Variants in SLC25A26 observed in about 807,000 individuals in gnomAD.
SLC25A26 encodes the protein mitochondrial S-adenosylmethionine carrier protein.
A neutral mutation model predicts 37.8 loss-of-function variants in SLC25A26; 36 were observed. The ratio of observed to expected loss-of-function variants is 0.95; its 90% CI spans 0.73 to 1.26. SLC25A26 has a LOEUF of 1.26. Ranked by LOEUF, SLC25A26 falls within the 50% of genes most tolerant of loss-of-function variation. SLC25A26 has a pLI of 0.00. For synonymous variants in SLC25A26, 129 were observed against 122.5 expected, an observed-to-expected ratio of 1.05 and a Z score of -0.35; for missense variants, 390 against 331.1, an observed-to-expected ratio of 1.18 and a Z score of -1.38.
intron 1 of SLC25A26, among the ~76,000 whole-genome samples, chr3:66,134,781 C>T (rs930956479): frequency 6.6e-6 from 1 of 151,988 alleles, no homozygotes; most frequent in South Asian, 2.1e-4. Flanking sequence ...TGTCACTTTT[C>T]TTCTTTGACA....
intron 1 of SLC25A26, among the ~76,000 whole-genome samples, chr3:66,145,434 G>A (rs1004701588): frequency 1.3e-5 from 2 of 152,212 alleles, no homozygotes; most frequent in African/African-American, 2.4e-5. Flanking sequence ...GTACCAACTG[G>A]TGAGAATAGC....
intron 6 of SLC25A26, among the ~76,000 whole-genome samples, chr3:66,351,561 T>G (rs149155910): frequency 1.1e-4 from 17 of 152,276 alleles, no homozygotes; most frequent in Non-Finnish European, 1.9e-4. Flanking sequence ...TGCATGTTTA[T>G]AGCTCCATGG....
chr3:66,240,442 C>A (rs2072519719), intron 2 of SLC25A26, among the ~76,000 whole-genome samples: 1 of 152,010 alleles, frequency 6.6e-6, no homozygotes, highest in Non-Finnish European at 1.5e-5. Flanking sequence ...TGTGGGCAAC[C>A]ACACCTGGCT....
At chr3:66,276,714 A>C (rs2074161340) in intron 5 of SLC25A26, among the ~76,000 whole-genome samples, 1 of 152,086 alleles carries the variant, frequency 6.6e-6, no homozygotes, top group South Asian at 2.1e-4. Flanking sequence ...TTGGCCTTGA[A>C]GTGGTTTTGG....
At chr3:66,220,959 G>A, upstream of SLC25A26, 1 of 930,500 alleles carries the variant, frequency 1.1e-6, no homozygotes. Flanking sequence ...TGCACGTGCA[G>A]TTGTTGTGGT....
rs111679305 is a variant in SLC25A26 at position 66,134,829 on chromosome 3, A to ATT, written c.-354+855_-354+856dup. On this transcript the variant is annotated intron_variant, in intron 1 of 10. Coordinates refer to the SLC25A26 transcript ENST00000676754. ...TGTCAATATTTCTTTTCTTTCCTTT[A>ATT]TTTTTTTTTTTATTTTTTGAGACGG... 3.7e-3 allele frequency among the ~76,000 whole-genome samples: 552 copies of ATT among 147,670 alleles called. 26 individuals carry two copies. The East Asian group carries it at 0.07, about 19-fold the overall frequency.
At chr3:66,238,150 T>C (rs1002142468) in intron 2 of SLC25A26, among the ~76,000 whole-genome samples, 2 of 152,188 alleles carry the variant, frequency 1.3e-5, no homozygotes, top group African/African-American at 4.8e-5. Flanking sequence ...TTGTCCACTT[T>C]GGAATCACCT....
chr3:66,141,819 G>A (rs2070040249), intron 1 of SLC25A26, among the ~76,000 whole-genome samples: 1 of 152,172 alleles, frequency 6.6e-6, no homozygotes, highest in African/African-American at 2.4e-5. Context: ...GGTCTTGAAT[G>A]TATTCTTTTC....
intron 1 of SLC25A26, among the ~76,000 whole-genome samples, chr3:66,180,413 G>A (rs2070680072): frequency 6.6e-6 from 1 of 152,210 alleles, no homozygotes; most frequent in South Asian, 2.1e-4. Context: ...AGCAACGGAA[G>A]TGATTTCAAA....
chr3:66,209,778 G>T (rs2071250938), intron 1 of SLC25A26, among the ~76,000 whole-genome samples: 1 of 124,234 alleles, frequency 8.0e-6, no homozygotes, highest in Non-Finnish European at 1.7e-5. Flanking sequence ...TATCTATAAA[G>T]GTATATATAT....
chr3:66,369,599 A>C (rs532228857), intron 8 of SLC25A26, 57 bp downstream of exon 8: 1 of 1,388,740 alleles, frequency 7.2e-7, no homozygotes, highest in African/African-American at 1.4e-5. Context: ...TGTTAGCACT[A>C]GGACTACAGG....
chr3:66,368,577 C>A (rs998994541), intron 7 of SLC25A26, among the ~76,000 whole-genome samples: 24 of 152,122 alleles, frequency 1.6e-4, no homozygotes, highest in African/African-American at 5.3e-4. Flanking sequence ...GTCAGGAGCC[C>A]GTGAAACACA....
intron 5 of SLC25A26, among the ~76,000 whole-genome samples, chr3:66,316,764 A>G (rs1248973256): frequency 1.3e-5 from 2 of 151,922 alleles, no homozygotes; most frequent in African/African-American, 4.8e-5. Flanking sequence ...CATCAGCTGT[A>G]GGTTTGGTTT....
At chr3:66,209,074 AC>A (rs2071231668) in intron 1 of SLC25A26, among the ~76,000 whole-genome samples, 1 of 24,316 alleles carries the variant, frequency 4.1e-5, no homozygotes, top group Non-Finnish European at 1.0e-4. Flanking sequence ...ATACACACAC[AC>A]ACCCATATAA....
chr3:66,283,563 C>T lies in SLC25A26; in HGVS notation c.453+20184C>T, dbSNP rs991743734. ...TCCCAAAGTGCTGGGGTTATTAGGCCACTGTGCCTGGCCCAAACTCTTTTC... is the reference window on the plus strand; with the variant it reads ...TCCCAAAGTGCTGGGGTTATTAGGCTACTGTGCCTGGCCCAAACTCTTTTC... On this transcript the variant is annotated intron_variant, in intron 5 of 9. Coordinates refer to ENST00000354883, the MANE Select transcript of SLC25A26 (RefSeq NM_001379210.1). Among the ~76,000 whole-genome samples, 44 of 152,182 alleles carry T rather than the reference C, an allele frequency of 2.9e-4. 1 individual carries two copies. The highest frequency in any genetic ancestry group is 9.9e-4 in the African/African-American group (41 of 41,528).
chr3:66,289,690 G>A (rs1307573730), intron 5 of SLC25A26, among the ~76,000 whole-genome samples: 1 of 152,094 alleles, frequency 6.6e-6, no homozygotes. Flanking sequence ...ATGTGTTTTG[G>A]TACCAGTACC....
chr3:66,232,038 TTTA>T (rs2072058256), intron 1 of SLC25A26, among the ~76,000 whole-genome samples: 1 of 152,230 alleles, frequency 6.6e-6, no homozygotes, highest in East Asian at 1.9e-4. Flanking sequence ...TTTTCAATTT[TTTA>T]TTATTACAGA....
chr3:66,286,125 T>A (rs972350807), intron 5 of SLC25A26, among the ~76,000 whole-genome samples: 3 of 152,212 alleles, frequency 2.0e-5, no homozygotes, highest in Non-Finnish European at 4.4e-5. Flanking sequence ...CTTAGGTGAT[T>A]TGCAGTATTT....
intron 1 of SLC25A26, among the ~76,000 whole-genome samples, chr3:66,225,935 G>A (rs1553660447): frequency 6.6e-6 from 1 of 152,106 alleles, no homozygotes; most frequent in African/African-American, 2.4e-5. Context: ...TCAGCATTTT[G>A]GTCAAAGCCA....
Sources: allele counts gnomAD v4.1 joint callset (sites outside exome capture counted in the v4.1 genomes callset), GRCh38; gene constraint gnomAD v4.1.1; transcripts MANE v1.5; gene names NCBI Gene and HGNC (gene_info 2026-07-23, HGNC 2026-07-21).